The following CPLX1 variants were observed in gnomAD, a reference collection of about 807,000 sequenced individuals.
CPLX1 encodes the protein complexin 1.
In CPLX1, 6 loss-of-function variants were observed where a neutral mutation model predicts 15.6. The ratio of observed to expected loss-of-function variants is 0.39; its 90% CI spans 0.21 to 0.76. CPLX1 has a LOEUF of 0.76. Ranked by LOEUF, CPLX1 falls within the 30% of genes least tolerant of loss-of-function variation. CPLX1 has a pLI of 0.43. For missense variants in CPLX1, 242 were observed against 188.6 expected, an observed-to-expected ratio of 1.28 and a Z score of -1.66; for synonymous variants, 91 against 75.2, an observed-to-expected ratio of 1.21 and a Z score of -1.08.
At chr4:798,803 ACAAT>A (rs1262480636) in intron 2 of CPLX1, among the ~76,000 whole-genome samples, 1 of 152,264 alleles carries the variant, frequency 6.6e-6, no homozygotes, top group Non-Finnish European at 1.5e-5. Flanking sequence ...AAATGAACTC[ACAAT>A]CAATCATAGA....
chr4:788,890 A>G (rs1746083374), intron 3 of CPLX1, among the ~76,000 whole-genome samples: 1 of 152,210 alleles, frequency 6.6e-6, no homozygotes, highest in South Asian at 2.1e-4. Flanking sequence ...GCATGCCTGT[A>G]ACGGCGGAAC....
chr4:813,534 C>T (rs920277773), intron 2 of CPLX1, among the ~76,000 whole-genome samples: 2 of 152,042 alleles, frequency 1.3e-5, no homozygotes, highest in African/African-American at 4.8e-5. Flanking sequence ...GGCCCACCAC[C>T]CACGTGGCAA....
At chr4:801,687 C>G (rs1746463240) in intron 2 of CPLX1, among the ~76,000 whole-genome samples, 1 of 152,240 alleles carries the variant, frequency 6.6e-6, no homozygotes, top group Non-Finnish European at 1.5e-5. Flanking sequence ...CAACAGTGCA[C>G]TCTTTGATGT....
chr4:812,618 G>T (rs532154706), intron 2 of CPLX1, among the ~76,000 whole-genome samples: 1 of 152,230 alleles, frequency 6.6e-6, no homozygotes, highest in Non-Finnish European at 1.5e-5. Flanking sequence ...AATAAGAGAG[G>T]AAAGGACCAA....
At chr4:796,470 G>C (rs570468362) in intron 2 of CPLX1, among the ~76,000 whole-genome samples, 1 of 152,298 alleles carries the variant, frequency 6.6e-6, no homozygotes, top group East Asian at 1.9e-4. Flanking sequence ...ATTTTCAGTA[G>C]AGACGGGTTT....
intron 3 of CPLX1, among the ~76,000 whole-genome samples, chr4:791,629 C>T (rs1746178173): frequency 1.3e-5 from 2 of 152,206 alleles, no homozygotes; most frequent in South Asian, 4.1e-4. Context: ...CCTTCCCACC[C>T]CGAAGCCAGG....
chr4:790,259 G>A (rs1560236459), intron 3 of CPLX1, among the ~76,000 whole-genome samples: 1 of 152,236 alleles, frequency 6.6e-6, no homozygotes, highest in African/African-American at 2.4e-5. Flanking sequence ...GGCTGTTCTT[G>A]TGGGCAAGTG....
At chr4:802,330 G>C (rs1746474913) in intron 2 of CPLX1, among the ~76,000 whole-genome samples, 1 of 152,198 alleles carries the variant, frequency 6.6e-6, no homozygotes, top group East Asian at 1.9e-4. Context: ...GTACATTTGG[G>C]TGCAAACTAA....
intron 3 of CPLX1, 91 bp downstream of exon 3, chr4:792,342 C>T (rs1377798115): frequency 1.6e-6 from 2 of 1,271,196 alleles, no homozygotes; most frequent in Non-Finnish European, 2.1e-6. Flanking sequence ...GCCCGCCCCT[C>T]TTCCGGGCAG....
chr4:822,523 T>C (rs1373541268), intron 2 of CPLX1, among the ~76,000 whole-genome samples: 1 of 152,204 alleles, frequency 6.6e-6, no homozygotes, highest in East Asian at 1.9e-4. Context: ...TGTCTGTTTC[T>C]GGGCTGTCAT....
chr4:797,104 T>C (rs1746357667), intron 2 of CPLX1, among the ~76,000 whole-genome samples: 1 of 152,222 alleles, frequency 6.6e-6, no homozygotes. Flanking sequence ...TTCTTATTGA[T>C]TGTAGAACTA....
intron 2 of CPLX1, among the ~76,000 whole-genome samples, chr4:803,427 G>A (rs891396569): frequency 2.0e-5 from 3 of 151,934 alleles, no homozygotes; most frequent in Admixed American, 2.0e-4. Context: ...ATCTCGCTCT[G>A]TCGCCCAGGC....
rs868718180 is a variant in CPLX1, at chr4:823,370, G to T, written c.31+1122C>A. Among the ~76,000 whole-genome samples, 3 of 152,276 alleles carry T rather than the reference G, an allele frequency of 2.0e-5. No homozygotes were observed. The Middle Eastern group carries it at 0.01, about 518-fold the overall frequency. On this transcript the variant is annotated intron_variant, in intron 2 of 3. Coordinates refer to ENST00000304062, the MANE Select transcript of CPLX1 (RefSeq NM_006651.4). Reference sequence around the variant, plus strand: ...CAGCCACCCTCCGGGAGACAGCCAGGCAGGCAGCTCCTGCCCTGGGGGAAG... The same window carrying T: ...CAGCCACCCTCCGGGAGACAGCCAGTCAGGCAGCTCCTGCCCTGGGGGAAG...
At chr4:786,785 C>A in intron 3 of CPLX1, 87 bp from the exon 4 acceptor site, 1 of 1,480,286 alleles carries the variant, frequency 6.8e-7, no homozygotes, top group South Asian at 1.4e-5. Context: ...GGCCCAGGAA[C>A]CCCCGAAGGC....
intron 2 of CPLX1, among the ~76,000 whole-genome samples, chr4:816,800 C>A (rs1167945340): frequency 1.3e-5 from 2 of 151,966 alleles, no homozygotes; most frequent in African/African-American, 4.8e-5. Context: ...CCAGCCTGGG[C>A]GACAGAGCGA....
intron 2 of CPLX1, among the ~76,000 whole-genome samples, chr4:798,051 G>T (rs1021927782): frequency 6.6e-6 from 1 of 152,174 alleles, no homozygotes; most frequent in African/African-American, 2.4e-5. Context: ...GAGGTGGGTG[G>T]ATCACCTGAG....
chr4:817,827 T>C (rs559548343), intron 2 of CPLX1, among the ~76,000 whole-genome samples: 5 of 152,120 alleles, frequency 3.3e-5, no homozygotes, highest in East Asian at 1.9e-4. Context: ...CAGGTGCCCA[T>C]TGGAGGGTGC....
chr4:787,681 T>C (rs3816677), intron 3 of CPLX1: 266,776 of 980,770 alleles, frequency 0.27, 38,525 homozygotes, highest in African/African-American at 0.52. Context: ...CCAGAGGGAG[T>C]GTGGGATTTT....
At position 786,694 on chromosome 4, in the gene CPLX1, CCGTACTG is replaced by C; in HGVS notation, c.208-3_211del. On this transcript the variant is annotated splice_acceptor_variant and splice_polypyrimidine_tract_variant and coding_sequence_variant and intron_variant, in exon 4 of 4. Coordinates refer to ENST00000304062, the MANE Select transcript of CPLX1 (RefSeq NM_006651.4). LOFTEE classifies it high-confidence loss of function. ...CTCGCGCTCCTCCTTCTTCTTGATG[CCGTACTG>C]CGGGGGAGGCGGGGGTCAGGGCGGG... The C allele has an allele frequency of 6.2e-7, 1 of 1,602,582 alleles. No homozygotes were observed. Among genetic ancestry groups the C allele is most frequent in the Non-Finnish European group, 8.5e-7 (1 of 1,173,974 alleles).
Sources: allele counts gnomAD v4.1 joint callset (sites outside exome capture counted in the v4.1 genomes callset), GRCh38; gene constraint gnomAD v4.1.1; transcripts MANE v1.5; gene names NCBI Gene and HGNC (gene_info 2026-07-23, HGNC 2026-07-21).